The following LRP6 variants were observed in gnomAD, a reference collection of about 807,000 sequenced individuals.
The protein encoded by LRP6 is LDL receptor related protein 6.
A neutral mutation model predicts 184.1 loss-of-function variants in LRP6; 43 were observed. That is an observed-to-expected ratio of 0.23 (90% CI 0.18 to 0.30). The LOEUF is 0.30. LRP6 is among the 10% of genes least tolerant of loss of function. LRP6 has a pLI of 1.00. For missense variants in LRP6, 1,571 were observed against 2,005.3 expected, an observed-to-expected ratio of 0.78 and a Z score of 4.14; for synonymous variants, 719 against 684.9, an observed-to-expected ratio of 1.05 and a Z score of -0.78.
intron 1 of LRP6, among the ~76,000 whole-genome samples, chr12:12,260,395 A>G (rs1224338889): frequency 6.6e-6 from 1 of 152,086 alleles, no homozygotes; most frequent in African/African-American, 2.4e-5. Context: ...AAAAAAAGAA[A>G]AAAAATTTAG....
At chr12:12,155,265 A>G in intron 12 of LRP6, 1 of 744,732 alleles carries the variant, frequency 1.3e-6, no homozygotes, top group Non-Finnish European at 2.5e-6. Flanking sequence ...TGCCAAAATG[A>G]TGAACACAAA....
chr12:12,217,405 G>A (rs1412323658), intron 2 of LRP6, among the ~76,000 whole-genome samples: 1 of 151,894 alleles, frequency 6.6e-6, no homozygotes, highest in African/African-American at 2.4e-5. Context: ...ACATTATGGT[G>A]AGTTATATAA....
At chr12:12,164,152 G>A (rs1190078388) in intron 9 of LRP6, 121 bp downstream of exon 9, 2 of 885,810 alleles carry the variant, frequency 2.3e-6, no homozygotes, top group Non-Finnish European at 1.7e-6. Context: ...AAAACTTGAG[G>A]GTTTTTGTTG....
chr12:12,165,647 A>T (rs189583306), intron 7 of LRP6, among the ~76,000 whole-genome samples: 1 of 152,194 alleles, frequency 6.6e-6, no homozygotes, highest in Non-Finnish European at 1.5e-5. Context: ...CTTCATATAC[A>T]TTATTTTATC....
chr12:12,140,827 C>T (rs990347697), intron 15 of LRP6, among the ~76,000 whole-genome samples: 1 of 152,122 alleles, frequency 6.6e-6, no homozygotes, highest in African/African-American at 2.4e-5. Flanking sequence ...TGGCCTTGAA[C>T]TCCTGACCTC....
rs374831558 is a variant in LRP6 at position 12,165,127 on chromosome 12, G to A, written c.1714C>T (p.Leu572=). 5.6e-6 allele frequency: 9 copies of A among 1,613,854 alleles called. No homozygotes were observed. The East Asian group carries it at 1.8e-4, about 32-fold the overall frequency. The change falls in exon 8 of 23, where the codon CTG becomes TTG. Residue 572 remains leucine, a synonymous_variant. Transcript: ENST00000261349. ...SAEREVIIDQ[L]PDLMGLKATN... ...GCCTTTAGGCCCATGAGGTCAGGCA[G>A]CTGATCTATGATCACTTCCCTCTCT...
chr12:12,225,886 AG>A (rs1422230779), intron 2 of LRP6, among the ~76,000 whole-genome samples: 36 of 151,404 alleles, frequency 2.4e-4, no homozygotes, highest in African/African-American at 8.7e-4. Context: ...AAAAAAAAAA[AG>A]AGAGAGACCT....
chr12:12,263,724 C>G (rs776482178), intron 1 of LRP6, among the ~76,000 whole-genome samples: 4 of 151,718 alleles, frequency 2.6e-5, no homozygotes, highest in Non-Finnish European at 5.9e-5. Context: ...GTCCCAGCTA[C>G]TTGGGAGGCT....
chr12:12,138,626 G>A, intron 15 of LRP6, 92 bp from the exon 16 acceptor site: 1 of 1,324,828 alleles, frequency 7.5e-7, no homozygotes, highest in Non-Finnish European at 1.1e-6. Flanking sequence ...AGATTCTACA[G>A]GTAGAGAAAA....
chr12:12,182,814 G>A (rs1241371274), intron 5 of LRP6, among the ~76,000 whole-genome samples: 1 of 152,186 alleles, frequency 6.6e-6, no homozygotes, highest in Non-Finnish European at 1.5e-5. Context: ...CTGTTAATTT[G>A]AGCAAGGTGA....
chr12:12,190,561 A>G (rs1863587954), intron 3 of LRP6, among the ~76,000 whole-genome samples: 3 of 152,130 alleles, frequency 2.0e-5, no homozygotes, highest in African/African-American at 7.2e-5. Context: ...GCTCTTTGAG[A>G]TTCTTTGAAC....
chr12:12,246,112 C>T (rs1383411309), intron 1 of LRP6, among the ~76,000 whole-genome samples: 2 of 149,322 alleles, frequency 1.3e-5, no homozygotes, highest in Non-Finnish European at 3.0e-5. Context: ...AAGCAATTCT[C>T]CTGCCTCAGC....
chr12:12,148,897 G>T, intron 14 of LRP6, 45 bp downstream of exon 14: 1 of 1,352,784 alleles, frequency 7.4e-7, no homozygotes, highest in Non-Finnish European at 1.1e-6. Context: ...AGGGTGAGGA[G>T]AGTCTCAGAA....
intron 1 of LRP6, among the ~76,000 whole-genome samples, chr12:12,246,578 T>C (rs2135922126): frequency 6.6e-6 from 1 of 151,754 alleles, no homozygotes; most frequent in African/African-American, 2.4e-5. Flanking sequence ...ACGCCTGTAG[T>C]CCTAGGTACT....
chr12:12,164,955 A>AAAAAAAG (rs1862837941), intron 8 of LRP6, 124 bp downstream of exon 8: 5 of 529,282 alleles, frequency 9.4e-6, no homozygotes, highest in Admixed American at 3.3e-5. Flanking sequence ...AAAAAAAAAA[A>AAAAAAAG]GGCGGGGGGG....
intron 4 of LRP6, 143 bp downstream of exon 4, chr12:12,186,780 T>C (rs1231989536): frequency 2.6e-6 from 2 of 755,560 alleles, no homozygotes; most frequent in East Asian, 5.6e-5. Flanking sequence ...TGCCTCAGCC[T>C]CCCAAGTAGG....
At chr12:12,189,437 G>A (rs1040716526) in intron 3 of LRP6, among the ~76,000 whole-genome samples, 4 of 152,076 alleles carry the variant, frequency 2.6e-5, no homozygotes, top group African/African-American at 9.7e-5. Flanking sequence ...ATTTCATGTG[G>A]TAGTTTTTAA....
intron 3 of LRP6, among the ~76,000 whole-genome samples, chr12:12,191,424 T>C (rs1382473444): frequency 1.3e-5 from 2 of 152,170 alleles, no homozygotes; most frequent in Non-Finnish European, 2.9e-5. Context: ...CACATATACA[T>C]AGACATGAGA....
Position 12,121,025 on chromosome 12 carries a change from G to A in LRP6, c.*101C>T. The A allele has an allele frequency of 2.0e-6, 2 of 988,918 alleles. No homozygotes were observed. Among genetic ancestry groups the A allele is most frequent in the Non-Finnish European group, 3.0e-6 (2 of 676,814 alleles). The allele number at this position is 988,918 out of a possible 1,614,324, so 61.3% of individuals were successfully genotyped here. A position where few individuals can be genotyped will look rare whatever the true frequency, so the allele number is the denominator to read the frequency against. On this transcript the variant is annotated 3_prime_UTR_variant, in exon 23 of 23. Coordinates refer to ENST00000261349, the MANE Select transcript of LRP6 (RefSeq NM_002336.3). ...TTATAATTTTAACTGTACATGGTCT[G>A]CCTCATCCTTCTCTAATAGCTCCCT...
Sources: allele counts gnomAD v4.1 joint callset (sites outside exome capture counted in the v4.1 genomes callset), GRCh38; gene constraint gnomAD v4.1.1; transcripts MANE v1.5; gene names NCBI Gene and HGNC (gene_info 2026-07-23, HGNC 2026-07-21).